Variants in OR1F1 observed in about 807,000 individuals in gnomAD.
OR1F1 encodes the protein olfactory receptor family 1 subfamily F member 1, also known as olfactory receptor 1F1.
For missense variants in OR1F1, 493 were observed against 376.3 expected (o/e 1.31, Z -2.57); for synonymous variants, 184 against 156.7 (o/e 1.17, Z -1.30).
upstream of OR1F1, among the ~76,000 whole-genome samples, chr16:3,200,863 C>A (rs907430240): frequency 6.6e-6 from 1 of 152,170 alleles, no homozygotes; most frequent in South Asian, 2.1e-4. Flanking sequence ...TGTGACCCAC[C>A]ATGCCTGACC....
the OR1F1 span, among the ~76,000 whole-genome samples, chr16:3,196,197 G>T: frequency 3.3e-5 from 5 of 152,182 alleles, no homozygotes; most frequent in African/African-American, 4.8e-5. Flanking sequence ...TTAATCTCAG[G>T]GTCGTGGGTT....
At chr16:3,200,100 G>C (rs1264809875), upstream of OR1F1, among the ~76,000 whole-genome samples, 1 of 152,108 alleles carries the variant, frequency 6.6e-6, no homozygotes, top group African/African-American at 2.4e-5. Flanking sequence ...CAGGCCGCTT[G>C]TAAGAATGAG....
upstream of OR1F1, among the ~76,000 whole-genome samples, chr16:3,201,812 C>A (rs7184884): frequency 1.3e-5 from 2 of 151,930 alleles, no homozygotes; most frequent in Admixed American, 1.3e-4. Flanking sequence ...GACACCCAGG[C>A]GTCACTGCCC....
the OR1F1 span, chr16:3,188,405 T>A: frequency 1.2e-3 from 187 of 152,356 alleles, 1 homozygote; most frequent in African/African-American, 4.3e-3. Context: ...TAAGGAAGAA[T>A]GCGCCGGGCT....
the OR1F1 span, among the ~76,000 whole-genome samples, chr16:3,188,961 C>A: frequency 2.0e-5 from 3 of 152,198 alleles, no homozygotes; most frequent in Admixed American, 2.0e-4. Flanking sequence ...TGGCCTAAGC[C>A]GTCTTCTCCG....
chr16:3,195,477 C>T, the OR1F1 span, among the ~76,000 whole-genome samples: 3 of 151,984 alleles, frequency 2.0e-5, no homozygotes, highest in Admixed American at 6.6e-5. Context: ...GTCAGGAGTT[C>T]GAGACCAGCC....
At chr16:3,205,132 T>C in exon 1 of OR1F1, 1 of 1,613,586 alleles carries the variant, frequency 6.2e-7, no homozygotes, top group Non-Finnish European at 8.5e-7. Context: ...GAGGAACAGG[T>C]ACTTGAAAGG....
upstream of OR1F1, chr16:3,204,155 A>G: frequency 1.1e-6 from 1 of 892,292 alleles, no homozygotes; most frequent in Non-Finnish European, 1.7e-6. Context: ...GCAAAATTCT[A>G]CTGCCATTCC....
chr16:3,189,455 G>C, the OR1F1 span, among the ~76,000 whole-genome samples: 5 of 152,214 alleles, frequency 3.3e-5, no homozygotes, highest in African/African-American at 4.8e-5. Context: ...TCCCCATTTT[G>C]TGCGTCGCGG....
At chr16:3,197,134 C>T in the OR1F1 span, among the ~76,000 whole-genome samples, 1 of 152,144 alleles carries the variant, frequency 6.6e-6, no homozygotes, top group Admixed American at 6.5e-5. Flanking sequence ...CCTCAGCCTC[C>T]CACAGTGCTG....
the OR1F1 span, among the ~76,000 whole-genome samples, chr16:3,197,287 G>A: frequency 1.3e-5 from 2 of 151,826 alleles, no homozygotes; most frequent in Non-Finnish European, 2.9e-5. Flanking sequence ...CCAAAGTGCT[G>A]GGATTACAGG....
chr16:3,189,571 C>T, the OR1F1 span, among the ~76,000 whole-genome samples: 18 of 152,172 alleles, frequency 1.2e-4, no homozygotes, highest in African/African-American at 4.3e-4. Context: ...CTGCTGGGTC[C>T]GCCCCAGCCG....
rs186786299 is a variant in OR1F1 at position 3,204,381 on chromosome 16, C to T, written c.135C>T (p.Ile45=). The T allele has an allele frequency of 5.0e-5, 81 of 1,614,100 alleles. No individual in the cohort carries two copies. In the East Asian group the frequency reaches 1.3e-3, roughly 25 times the overall value. The change falls in exon 1 of 1, where the codon ATC becomes ATT. Residue 45 remains isoleucine, a synonymous_variant. Coordinates refer to ENST00000304646, the Ensembl canonical transcript of OR1F1. ...CCACTGTCCTGGGGAACCTGCTCATCATCCTGTCCGTAAGCATAGACTCCT... is the reference window on the plus strand; with the variant it reads ...CCACTGTCCTGGGGAACCTGCTCATTATCCTGTCCGTAAGCATAGACTCCT...
chr16:3,188,654 C>T, the OR1F1 span, among the ~76,000 whole-genome samples: 1 of 152,060 alleles, frequency 6.6e-6, no homozygotes, highest in Admixed American at 6.6e-5. Flanking sequence ...TCCCCACCCC[C>T]AGACCCCGGG....
At chr16:3,191,511 C>G in the OR1F1 span, among the ~76,000 whole-genome samples, 2 of 152,192 alleles carry the variant, frequency 1.3e-5, no homozygotes, top group Non-Finnish European at 2.9e-5. Flanking sequence ...GCCCGGCTAG[C>G]TCAGTCGGTA....
chr16:3,204,770 C>T (rs769857580), exon 1 of OR1F1: 5 of 1,614,186 alleles, frequency 3.1e-6, no homozygotes, highest in Non-Finnish European at 4.2e-6. Context: ...AATGCCATCA[C>T]TCACTTCTTC....
the OR1F1 span, chr16:3,191,369 G>T: frequency 6.6e-6 from 1 of 152,206 alleles, no homozygotes; most frequent in Non-Finnish European, 1.5e-5. Flanking sequence ...CGGGGATGTC[G>T]GGGTGGAACT....
the OR1F1 span, among the ~76,000 whole-genome samples, chr16:3,194,685 CA>C: frequency 3.9e-3 from 601 of 152,210 alleles, 12 homozygotes; most frequent in East Asian, 0.048. Flanking sequence ...ATATGCAGAT[CA>C]AAAGTAAACA....
the OR1F1 span, among the ~76,000 whole-genome samples, chr16:3,197,320 A>G: frequency 2.0e-5 from 3 of 152,152 alleles, no homozygotes; most frequent in African/African-American, 7.2e-5. Context: ...TGCCCAGCCC[A>G]AAACTAATCT....
Sources: gnomAD v4.1 joint callset for allele counts (sites outside exome capture counted in the v4.1 genomes callset) on GRCh38, gnomAD v4.1.1 for gene constraint, MANE v1.5 for transcripts, NCBI Gene and HGNC (gene_info 2026-07-23, HGNC 2026-07-21) for gene names.